Variants in SVEP1 observed in about 807,000 individuals in gnomAD.
The protein encoded by SVEP1 is sushi, von Willebrand factor type A, EGF and pentraxin domain-containing protein 1.
In SVEP1, 164 loss-of-function variants were observed where a neutral mutation model predicts 367.3. The observed-to-expected ratio is 0.45, with a 90% CI of 0.39 to 0.51. The LOEUF (loss-of-function observed/expected upper bound fraction) is 0.51. Among genes scored for constraint, SVEP1 ranks in the 20% least tolerant of loss-of-function variants. SVEP1 has a pLI of 0.00. For missense variants in SVEP1, 4,117 were observed against 4,425.3 expected (o/e 0.93, Z 1.98); for synonymous variants, 1,666 against 1,611.6 (o/e 1.03, Z -0.81).
chr9:110,554,750 G>GTGTGTA (rs761338353), intron 1 of SVEP1, among the ~76,000 whole-genome samples: 1 of 151,872 alleles, frequency 6.6e-6, no homozygotes, highest in Admixed American at 6.6e-5. Flanking sequence ...GTGTGTGTGT[G>GTGTGTA]TGTATGTATG....
At chr9:110,378,132 T>A (rs200417186) in intron 44 of SVEP1, among the ~76,000 whole-genome samples, 5 of 152,346 alleles carry the variant, frequency 3.3e-5, no homozygotes, top group African/African-American at 1.2e-4. Flanking sequence ...TTAATCATCA[T>A]CATCATCATC....
intron 18 of SVEP1, among the ~76,000 whole-genome samples, chr9:110,463,707 CAAAAGAGA>C (rs1374729114): frequency 6.6e-6 from 1 of 150,554 alleles, no homozygotes; most frequent in African/African-American, 2.4e-5. Context: ...AAAAGAAAGG[CAAAAGAGA>C]GAAAGAGAAA....
intron 3 of SVEP1, among the ~76,000 whole-genome samples, chr9:110,519,605 GTA>G: frequency 6.6e-6 from 1 of 152,300 alleles, no homozygotes; most frequent in South Asian, 2.1e-4. Flanking sequence ...GTGTGCTCCT[GTA>G]TATTCAAAGA....
At chr9:110,528,027 G>T (rs190122511) in intron 3 of SVEP1, among the ~76,000 whole-genome samples, 2 of 150,216 alleles carry the variant, frequency 1.3e-5, no homozygotes, top group African/African-American at 4.9e-5. Context: ...TGCTGCAAAA[G>T]ACATTATTTC....
chr9:110,473,491 C>T (rs1362780540), intron 14 of SVEP1, among the ~76,000 whole-genome samples: 1 of 152,074 alleles, frequency 6.6e-6, no homozygotes, highest in Admixed American at 6.6e-5. Context: ...ACAAACAACA[C>T]ACTTTTAACA....
chr9:110,511,191 G>A (rs74566634), intron 5 of SVEP1, among the ~76,000 whole-genome samples: 1 of 151,876 alleles, frequency 6.6e-6, no homozygotes, highest in Admixed American at 6.6e-5. Context: ...TATTTTTTTT[G>A]TGGCACTTAC....
At chr9:110,387,545 GA>G in intron 41 of SVEP1, 87 bp from the exon 42 acceptor site, 1 of 1,357,910 alleles carries the variant, frequency 7.4e-7, no homozygotes, top group South Asian at 1.5e-5. Flanking sequence ...ATATTTCATG[GA>G]ATATATAAAA....
intron 9 of SVEP1, among the ~76,000 whole-genome samples, chr9:110,486,577 A>G (rs1006339397): frequency 6.7e-6 from 1 of 148,762 alleles, no homozygotes; most frequent in African/African-American, 2.5e-5. Flanking sequence ...CACTCCCTAC[A>G]TCCCTCTCTG....
intron 26 of SVEP1, among the ~76,000 whole-genome samples, chr9:110,445,474 G>A (rs1411658522): frequency 2.0e-5 from 3 of 152,194 alleles, no homozygotes; most frequent in Non-Finnish European, 2.9e-5. Flanking sequence ...TTGAGTCAGA[G>A]TTTGAGACTT....
intron 31 of SVEP1, 79 bp from the exon 32 acceptor site, chr9:110,432,113 C>A: frequency 6.9e-7 from 1 of 1,442,246 alleles, no homozygotes; most frequent in Non-Finnish European, 9.3e-7. Context: ...ACTTTTAAAT[C>A]ATTACATATC....
intron 14 of SVEP1, among the ~76,000 whole-genome samples, chr9:110,474,329 A>G (rs72746775): frequency 0.078 from 11,946 of 152,212 alleles, 641 homozygotes; most frequent in Non-Finnish European, 0.11. Context: ...CATGATTATT[A>G]TGAAGTCAAC....
chr9:110,366,178 A>G lies in SVEP1; in HGVS notation c.*361T>C. 5.4e-6 allele frequency: 1 copy of G among 184,686 alleles called. No individual in the cohort carries two copies. The allele number at this position is 184,686 out of a possible 1,614,324, so 11.4% of individuals were successfully genotyped here. A position where few individuals can be genotyped will look rare whatever the true frequency, so the allele number is the denominator to read the frequency against. ...AAATGGTACTATCCAGCAAAATATTATTTAGTAGCAAAATATACTTTAATG... is the reference window on the plus strand; with the variant it reads ...AAATGGTACTATCCAGCAAAATATTGTTTAGTAGCAAAATATACTTTAATG... On this transcript the variant is annotated 3_prime_UTR_variant, in exon 48 of 48. Transcript: ENST00000374469.
intron 43 of SVEP1, among the ~76,000 whole-genome samples, chr9:110,383,431 G>A (rs1827470966): frequency 6.6e-6 from 1 of 152,200 alleles, no homozygotes; most frequent in Non-Finnish European, 1.5e-5. Flanking sequence ...AGCAAAGATG[G>A]CTGCCTGCTC....
intron 40 of SVEP1, among the ~76,000 whole-genome samples, chr9:110,390,934 A>T (rs148749257): frequency 6.6e-6 from 1 of 152,188 alleles, no homozygotes; most frequent in Non-Finnish European, 1.5e-5. Flanking sequence ...TGTTTCATGT[A>T]AGCCCCACCC....
intron 3 of SVEP1, among the ~76,000 whole-genome samples, chr9:110,524,974 A>C (rs1829923179): frequency 6.6e-6 from 1 of 152,088 alleles, no homozygotes; most frequent in Non-Finnish European, 1.5e-5. Flanking sequence ...AGCTTCCCGA[A>C]GTGCTGGGAC....
chr9:110,559,132 A>G (rs1210026482), intron 1 of SVEP1, among the ~76,000 whole-genome samples: 1 of 152,098 alleles, frequency 6.6e-6, no homozygotes, highest in Non-Finnish European at 1.5e-5. Context: ...CCAAGTAGGT[A>G]AGAAATAAAT....
At chr9:110,522,927 T>C (rs1460608134) in intron 3 of SVEP1, among the ~76,000 whole-genome samples, 1 of 152,186 alleles carries the variant, frequency 6.6e-6, no homozygotes, top group Non-Finnish European at 1.5e-5. Context: ...CTAACCTCCA[T>C]ACATAGGTTG....
At chr9:110,392,716 C>T (rs752024729) in intron 40 of SVEP1, among the ~76,000 whole-genome samples, 1 of 150,964 alleles carries the variant, frequency 6.6e-6, no homozygotes. Context: ...TGTTCATAAG[C>T]ATCCTTTAAG....
At chr9:110,391,826 AAATTAGTAGAT>A (rs1178894857) in intron 40 of SVEP1, among the ~76,000 whole-genome samples, 1 of 152,050 alleles carries the variant, frequency 6.6e-6, no homozygotes, top group East Asian at 1.9e-4. Flanking sequence ...ATTAGCATTT[AAATTAGTAGAT>A]CATGTAAAGT....
Sources: gnomAD v4.1 joint callset for allele counts (sites outside exome capture counted in the v4.1 genomes callset) on GRCh38, gnomAD v4.1.1 for gene constraint, MANE v1.5 for transcripts, NCBI Gene and HGNC (gene_info 2026-07-23, HGNC 2026-07-21) for gene names.